Variants in ZBTB40 observed in about 807,000 individuals in gnomAD.
The protein encoded by ZBTB40 is zinc finger and BTB domain containing 40, also known as zinc finger and BTB domain-containing protein 40.
Under a neutral mutation model 117.5 loss-of-function variants are expected in ZBTB40, and 60 were observed. The ratio of observed to expected loss-of-function variants is 0.51; its 90% CI spans 0.41 to 0.63. The LOEUF is 0.63. Ranked by LOEUF, ZBTB40 falls within the 30% of genes least tolerant of loss-of-function variation. The pLI is 0.00. For missense variants in ZBTB40, 1,287 were observed against 1,498.5 expected (o/e 0.86, Z 2.33); for synonymous variants, 525 against 577.1 (o/e 0.91, Z 1.29).
chr1:22,508,081 C>T lies in ZBTB40; in HGVS notation c.1441C>T (p.Gln481Ter), dbSNP rs748157049. ...ENLSEIFTDN[Q>*]ILLKMISHMT... is the part of the protein sequence containing the mutation. ...CCTCTCTGAGATTTTCACAGACAAC[C>T]AGATTTTATTAAAGATGATCTCACA... The change falls in exon 7 of 18, where the codon CAG becomes TAG. Residue 481 changes from glutamine (Q) to a stop codon, truncating the protein, a stop_gained. Transcript: ENST00000375647. LOFTEE classifies it high-confidence loss of function. The T allele has an allele frequency of 5.6e-6, 9 of 1,613,972 alleles. No individual in the cohort carries two copies. Among genetic ancestry groups the T allele is most frequent in the South Asian group, 1.1e-5 (1 of 91,084 alleles).
At chr1:22,458,333 C>T (rs1641049992) in intron 1 of ZBTB40, among the ~76,000 whole-genome samples, 1 of 152,202 alleles carries the variant, frequency 6.6e-6, no homozygotes, top group South Asian at 2.1e-4. Context: ...CCAACTGTGG[C>T]TGTGCCTGTC....
Position 22,522,468 on chromosome 1 carries a change from G to GCCAGCCAGCA in ZBTB40, c.3298+5_3298+6insCCAGCCAGCA. ...ATGTCAAGTGCCAGCATTCAGGTCA[G>GCCAGCCAGCA]TACCCCTGTCAGCATACTTCTAGGC... is the stretch of plus-strand genomic sequence containing the variant. On this transcript the variant is annotated splice_donor_region_variant and intron_variant, in intron 16 of 17. Transcript: ENST00000375647. The GCCAGCCAGCA allele has an allele frequency of 6.2e-7, 1 of 1,614,082 alleles. No homozygotes were observed. The highest frequency in any genetic ancestry group is 8.5e-7 in the Non-Finnish European group (1 of 1,179,970).
intron 1 of ZBTB40, among the ~76,000 whole-genome samples, chr1:22,445,207 A>C (rs72871682): frequency 0.012 from 1,854 of 152,304 alleles, 30 homozygotes; most frequent in African/African-American, 0.038. Context: ...TTGGGGGGTT[A>C]GAATTTTATT....
At chr1:22,520,025 C>T (rs769031960) in intron 13 of ZBTB40, 36 bp from the exon 14 acceptor site, 43 of 1,597,980 alleles carry the variant, frequency 2.7e-5, no homozygotes, top group Non-Finnish European at 3.7e-5. Flanking sequence ...CTTTTCCTCT[C>T]CACCTCTTCC....
At chr1:22,498,895 C>T (rs1035576253) in intron 3 of ZBTB40, among the ~76,000 whole-genome samples, 1 of 152,060 alleles carries the variant, frequency 6.6e-6, no homozygotes, top group Non-Finnish European at 1.5e-5. Context: ...AAGGAAGAAA[C>T]ATGTTTACTG....
chr1:22,477,779 C>G (rs1238571112), intron 1 of ZBTB40, among the ~76,000 whole-genome samples: 1 of 152,186 alleles, frequency 6.6e-6, no homozygotes, highest in Non-Finnish European at 1.5e-5. Flanking sequence ...AACTCCTGAT[C>G]TCAAGTGATC....
intron 12 of ZBTB40, among the ~76,000 whole-genome samples, chr1:22,515,175 G>A (rs2124463764): frequency 6.6e-6 from 1 of 152,270 alleles, no homozygotes; most frequent in African/African-American, 2.4e-5. Flanking sequence ...CATCCCAAGT[G>A]CAGAGCTGCC....
intron 13 of ZBTB40, among the ~76,000 whole-genome samples, chr1:22,518,051 T>TAC (rs1639422675): frequency 1.3e-5 from 2 of 152,140 alleles, no homozygotes; most frequent in African/African-American, 2.4e-5. Context: ...CACATATATA[T>TAC]ACACACACAG....
intron 3 of ZBTB40, among the ~76,000 whole-genome samples, chr1:22,496,207 A>G (rs900771288): frequency 1.3e-5 from 2 of 152,226 alleles, no homozygotes; most frequent in Non-Finnish European, 2.9e-5. Context: ...AACAGCACTC[A>G]GCATCCCCAG....
chr1:22,480,800 T>C (rs1006183243), intron 1 of ZBTB40, among the ~76,000 whole-genome samples: 4 of 152,228 alleles, frequency 2.6e-5, no homozygotes, highest in African/African-American at 9.6e-5. Flanking sequence ...GGCATAGACA[T>C]GCATTTTACC....
rs1400461256 is a variant in ZBTB40, at chr1:22,530,999, C to T, written c.*4603C>T. On this transcript the variant is annotated 3_prime_UTR_variant, in exon 18 of 18. Coordinates refer to ENST00000375647, the MANE Select transcript of ZBTB40 (RefSeq NM_014870.4). ...TGACATTGTGTGAGATGCTTACTCT[C>T]TCTGAGCTCCCTCCTCCTGGCTCCC... is the stretch of plus-strand genomic sequence containing the variant. 1 of 152,168 alleles carries T rather than the reference C, an allele frequency of 6.6e-6. No homozygotes were observed. The highest frequency in any genetic ancestry group is 2.4e-5 in the African/African-American group (1 of 41,418). 9.4% of individuals were successfully genotyped at this position (152,168 alleles called of 1,614,324 possible). A position where few individuals can be genotyped will look rare whatever the true frequency, so the allele number is the denominator to read the frequency against.
At chr1:22,438,524 G>A (rs1317144252) in intron 1 of ZBTB40, among the ~76,000 whole-genome samples, 9 of 151,996 alleles carry the variant, frequency 5.9e-5, no homozygotes, top group Admixed American at 5.9e-4. Context: ...TTTCAATTTT[G>A]GAGTATACAC....
Position 22,513,040 on chromosome 1 carries a change from G to A in ZBTB40, c.2578G>A (p.Gly860Arg), listed in dbSNP as rs746747132. Residue 860 changes from glycine (G) to arginine (R), a missense_variant, in exon 12 of 18, where the codon GGG (glycine) becomes AGG (arginine). By Grantham distance (125) the Gly-to-Arg change is moderately radical. Transcript: ENST00000375647. This position sits in a 1 kb window ranked among gnomAD's most constrained non-coding sequence, Gnocchi z 4.9. Reference protein sequence around the residue: ...TLKNHLRLHTGDRPFMCKHCL... With the variant: ...TLKNHLRLHTRDRPFMCKHCL... ...GAAGAACCACCTTCGCCTTCACACC[G>A]GGGACCGCCCGTTCATGTGCAAGCA... 10 of 1,614,014 alleles carry A rather than the reference G, an allele frequency of 6.2e-6. No individual in the cohort carries two copies. Among genetic ancestry groups the A allele is most frequent in the African/African-American group, 5.3e-5 (4 of 74,898 alleles).
intron 1 of ZBTB40, among the ~76,000 whole-genome samples, chr1:22,430,630 C>G (rs533662740): frequency 8.5e-4 from 124 of 145,706 alleles, no homozygotes; most frequent in African/African-American, 3.2e-3. Flanking sequence ...TGCCACCACA[C>G]CCGACTAATT....
chr1:22,443,838 T>TC (rs1640759887), intron 1 of ZBTB40, among the ~76,000 whole-genome samples: 1 of 152,244 alleles, frequency 6.6e-6, no homozygotes, highest in South Asian at 2.1e-4. Context: ...ATTGCTACAG[T>TC]CTGTTTTGTC....
chr1:22,452,541 G>T (rs1640905466), intron 1 of ZBTB40: 2 of 152,244 alleles, frequency 1.3e-5, no homozygotes, highest in Non-Finnish European at 2.9e-5. Flanking sequence ...CATTGTTGAT[G>T]TATTGTCTAT....
Position 22,511,354 on chromosome 1 carries a change from A to G in ZBTB40, c.2002+7A>G. ...CAGGAGTTGGCATACATTGGTAAGG[A>G]ACGGGCCAGGTGGGAAGGGGGTTCC... On this transcript the variant is annotated splice_region_variant and intron_variant, in intron 10 of 17. Coordinates refer to ENST00000375647, the MANE Select transcript of ZBTB40 (RefSeq NM_014870.4). The G allele has an allele frequency of 6.2e-7, 1 of 1,613,762 alleles. No homozygotes were observed. The highest frequency in any genetic ancestry group is 1.7e-4 in the Middle Eastern group (1 of 5,750).
intron 1 of ZBTB40, among the ~76,000 whole-genome samples, chr1:22,479,704 C>T (rs1557495298): frequency 6.6e-6 from 1 of 152,196 alleles, no homozygotes; most frequent in South Asian, 2.1e-4. Context: ...GTGTCTCCAG[C>T]TGGAACACCT....
At chr1:22,489,525 A>T (rs139926011) in intron 1 of ZBTB40, among the ~76,000 whole-genome samples, 29 of 152,320 alleles carry the variant, frequency 1.9e-4, no homozygotes, top group African/African-American at 6.0e-4. Flanking sequence ...TAGTGTAGTT[A>T]GAGCTTCGAA....
Sources: allele counts gnomAD v4.1 joint callset (sites outside exome capture counted in the v4.1 genomes callset), GRCh38; gene constraint gnomAD v4.1.1; non-coding constraint Gnocchi (gnomAD v3.1); transcripts MANE v1.5; gene names NCBI Gene and HGNC (gene_info 2026-07-23, HGNC 2026-07-21).